The following TRIM5 variants were observed in gnomAD, a reference collection of about 807,000 sequenced individuals.
TRIM5 encodes tripartite motif-containing protein 5.
Under a neutral mutation model 35.6 loss-of-function variants are expected in TRIM5, and 31 were observed. The observed-to-expected ratio is 0.87, with a 90% confidence interval of 0.65 to 1.18. The LOEUF is 1.18. Ranked by LOEUF, TRIM5 falls within the 50% of genes most tolerant of loss-of-function variation. The pLI is 0.00. For missense variants in TRIM5, 609 were observed against 591.6 expected, an observed-to-expected ratio of 1.03 and a Z score of -0.31; for synonymous variants, 243 against 215.6, an observed-to-expected ratio of 1.13 and a Z score of -1.11.
chr11:5,643,606 T>A, the TRIM5 span: 1 of 1,614,146 alleles, frequency 6.2e-7, no homozygotes, highest in South Asian at 1.1e-5. Flanking sequence ...CATGGCTCCC[T>A]CATTTACAAG....
At chr11:5,605,526 C>G in the TRIM5 span, 2 of 1,613,946 alleles carry the variant, frequency 1.2e-6, no homozygotes, top group African/African-American at 2.7e-5. Context: ...CATCTCGGAT[C>G]TGGAGCGTCG....
chr11:5,607,359 A>G, the TRIM5 span, among the ~76,000 whole-genome samples: 3 of 152,226 alleles, frequency 2.0e-5, no homozygotes, highest in African/African-American at 7.2e-5. Flanking sequence ...CTGGATATTT[A>G]CTGCAAATTG....
chr11:5,647,915 C>T, the TRIM5 span, among the ~76,000 whole-genome samples: 53 of 152,164 alleles, frequency 3.5e-4, no homozygotes, highest in Admixed American at 3.3e-3. Context: ...TCCCTAATAC[C>T]ACTATTGATC....
chr11:5,654,475 C>A, the TRIM5 span, among the ~76,000 whole-genome samples: 1 of 152,106 alleles, frequency 6.6e-6, no homozygotes, highest in Non-Finnish European at 1.5e-5. Context: ...TTAGTGGAGG[C>A]TATGGTAAGG....
chr11:5,646,445 T>C, the TRIM5 span, among the ~76,000 whole-genome samples: 3 of 152,108 alleles, frequency 2.0e-5, no homozygotes, highest in Non-Finnish European at 4.4e-5. Context: ...TCCTCCCTTA[T>C]CTCTTCCATC....
At chr11:5,641,323 T>G in the TRIM5 span, 21 of 1,545,842 alleles carry the variant, frequency 1.4e-5, no homozygotes, top group Non-Finnish European at 1.8e-5. Context: ...TATCTTAAAT[T>G]GCTGGTCCCC....
chr11:5,591,997 T>A, the TRIM5 span, among the ~76,000 whole-genome samples: 93 of 152,330 alleles, frequency 6.1e-4, 1 homozygote, highest in South Asian at 1.2e-3. Flanking sequence ...GTTCTACCTG[T>A]GAGTTAGTTA....
intron 5 of TRIM5, among the ~76,000 whole-genome samples, chr11:5,666,492 G>A (rs1170902267): frequency 2.0e-5 from 3 of 152,172 alleles, no homozygotes; most frequent in Non-Finnish European, 4.4e-5. Context: ...TGAGTTCCCA[G>A]GGAGATGGTT....
downstream of TRIM5, among the ~76,000 whole-genome samples, chr11:5,659,024 G>A (rs966356154): frequency 1.3e-5 from 2 of 152,052 alleles, no homozygotes; most frequent in African/African-American, 2.4e-5. Flanking sequence ...CTGGGGGAGG[G>A]ATAGTATTAG....
the TRIM5 span, among the ~76,000 whole-genome samples, chr11:5,625,311 G>A: frequency 6.6e-6 from 1 of 152,060 alleles, no homozygotes; most frequent in African/African-American, 2.4e-5. Context: ...TTTCCTCCAG[G>A]CTGAATCTAT....
chr11:5,610,057 C>A, the TRIM5 span: 1 of 1,369,382 alleles, frequency 7.3e-7, no homozygotes, highest in Non-Finnish European at 1.0e-6. Context: ...GATTGGAATT[C>A]ATCAGTAGGC....
At chr11:5,666,205 AG>A in intron 5 of TRIM5, 124 bp from the exon 6 acceptor site, 1 of 813,024 alleles carries the variant, frequency 1.2e-6, no homozygotes, top group Non-Finnish European at 2.0e-6. Context: ...GATCCTGAGA[AG>A]GGAGAGTGCA....
At chr11:5,605,946 C>G in the TRIM5 span, among the ~76,000 whole-genome samples, 1 of 152,202 alleles carries the variant, frequency 6.6e-6, no homozygotes, top group African/African-American at 2.4e-5. Flanking sequence ...AGCAGCGTCT[C>G]TGGCCTCTGC....
chr11:5,607,473 C>G, the TRIM5 span, among the ~76,000 whole-genome samples: 2 of 152,076 alleles, frequency 1.3e-5, no homozygotes, highest in South Asian at 4.1e-4. Context: ...ATAGTTAATC[C>G]TGTATTATGT....
At chr11:5,629,152 C>T in the TRIM5 span, among the ~76,000 whole-genome samples, 2 of 152,124 alleles carry the variant, frequency 1.3e-5, no homozygotes, top group Admixed American at 1.3e-4. Flanking sequence ...TGGCATACAC[C>T]TGTAATCCCA....
chr11:5,679,188 A>G lies in TRIM5; in HGVS notation c.418-19T>C, dbSNP rs1016033902. 2.5e-6 allele frequency: 4 copies of G among 1,607,682 alleles called. No homozygotes were observed. Among genetic ancestry groups the G allele is most frequent in the Middle Eastern group, 1.7e-4 (1 of 6,052 alleles). ...GCTTCACCTGTGAGAAAGGAATCACACCATAGTCAAGCTATGAGGTTTTCC... is the reference window on the plus strand; with the variant it reads ...GCTTCACCTGTGAGAAAGGAATCACGCCATAGTCAAGCTATGAGGTTTTCC... On this transcript the variant is annotated intron_variant, in intron 2 of 7. Coordinates refer to ENST00000380034, the MANE Select transcript of TRIM5 (RefSeq NM_033034.3).
chr11:5,677,990 G>A (rs1464045495), intron 4 of TRIM5: 6 of 443,770 alleles, frequency 1.4e-5, no homozygotes, highest in South Asian at 8.5e-5. Flanking sequence ...TCTCCACTAC[G>A]TCAAATTTTT....
At chr11:5,597,684 C>T in the TRIM5 span, among the ~76,000 whole-genome samples, 2 of 152,292 alleles carry the variant, frequency 1.3e-5, no homozygotes, top group South Asian at 2.1e-4. Flanking sequence ...AACCCCCAGC[C>T]TACACCAGCC....
the TRIM5 span, among the ~76,000 whole-genome samples, chr11:5,620,368 G>A: frequency 6.6e-6 from 1 of 151,022 alleles, no homozygotes; most frequent in Non-Finnish European, 1.5e-5. Context: ...TAGTAGAGAC[G>A]GGGTTTCACC....
Sources: allele counts gnomAD v4.1 joint callset (sites outside exome capture counted in the v4.1 genomes callset), GRCh38; gene constraint gnomAD v4.1.1; transcripts MANE v1.5; gene names NCBI Gene and HGNC (gene_info 2026-07-23, HGNC 2026-07-21).